Variants in SLC14A2 observed in about 807,000 individuals in gnomAD.
The protein encoded by SLC14A2 is urea transporter 2.
In SLC14A2, 91 loss-of-function variants were observed where a neutral mutation model predicts 104.6. That is an observed-to-expected ratio of 0.87 (90% CI 0.73 to 1.04). The LOEUF (loss-of-function observed/expected upper bound fraction) is 1.04. SLC14A2 is among the 50% of genes least tolerant of loss of function. The pLI is 0.00. For missense variants in SLC14A2, 1,189 were observed against 1,156.0 expected (o/e 1.03, Z -0.41); for synonymous variants, 476 against 466.4 (o/e 1.02, Z -0.27).
chr18:45,186,531 T>C, the SLC14A2 span, among the ~76,000 whole-genome samples: 91 of 152,342 alleles, frequency 6.0e-4, no homozygotes, highest in African/African-American at 2.1e-3. Context: ...CAGTTTTAAC[T>C]CATGCACATA....
Position 45,682,343 on chromosome 18 carries a change from C to G in SLC14A2, c.2587C>G (p.Pro863Ala). 6.2e-7 allele frequency: 1 copy of G among 1,614,128 alleles called. No individual in the cohort carries two copies. ...GTTTGGATTGCCGCCCTGCACTTGG[C>G]CCTTCTGTCTCTCAGCTCTCACCTT... is the stretch of plus-strand genomic sequence containing the variant. ...SVFGLPPCTW[P>A]FCLSALTFLL... is the part of the protein sequence containing the mutation. Residue 863 changes from proline (P) to alanine (A), a missense_variant, in exon 20 of 20, where the codon CCC (proline) becomes GCC (alanine). Coordinates refer to ENST00000255226, the MANE Select transcript of SLC14A2 (RefSeq NM_007163.4).
intron 1 of SLC14A2, among the ~76,000 whole-genome samples, chr18:45,397,133 C>T (rs1183978250): frequency 6.6e-6 from 1 of 152,122 alleles, no homozygotes; most frequent in Non-Finnish European, 1.5e-5. Flanking sequence ...CATTTATGTG[C>T]ATGTGACTTT....
chr18:45,357,767 T>C (rs922273570), intron 1 of SLC14A2, among the ~76,000 whole-genome samples: 1 of 152,098 alleles, frequency 6.6e-6, no homozygotes, highest in African/African-American at 2.4e-5. Flanking sequence ...ATTCAGGCAG[T>C]GGACTTGCAG....
At chr18:45,643,797 A>G (rs1372562960) in intron 9 of SLC14A2, among the ~76,000 whole-genome samples, 189 bp from the exon 10 acceptor site, 1 of 152,184 alleles carries the variant, frequency 6.6e-6, no homozygotes, top group African/African-American at 2.4e-5. Flanking sequence ...TATTACAGGC[A>G]TGAGCCACTG....
intron 1 of SLC14A2, among the ~76,000 whole-genome samples, chr18:45,264,606 C>A (rs1446179798): frequency 6.6e-6 from 1 of 152,084 alleles, no homozygotes; most frequent in Non-Finnish European, 1.5e-5. Flanking sequence ...AAAGGAGGAG[C>A]AAAATCATGT....
rs1490253990 is a variant in SLC14A2, at chr18:45,532,674, T to G, written c.-35+49352T>G. ...ACAATTTGACTTCCTCTTTTCCTAA[T>G]TGAATACCCTTTATTTCCTTCTCCT... On this transcript the variant is annotated intron_variant, in intron 2 of 20. Transcript: ENST00000586448. Among the ~76,000 whole-genome samples, 43 of 151,222 alleles carry G rather than the reference T, an allele frequency of 2.8e-4. 1 individual carries two copies. Among genetic ancestry groups the G allele is most frequent in the East Asian group, 1.9e-4 (1 of 5,154 alleles).
chr18:45,341,790 G>A (rs868434790), intron 1 of SLC14A2, among the ~76,000 whole-genome samples: 4 of 151,860 alleles, frequency 2.6e-5, no homozygotes, highest in Middle Eastern at 3.4e-3. Context: ...GTTTCACCAT[G>A]TTGGCCAGAC....
intron 7 of SLC14A2, 33 bp from the exon 8 acceptor site, chr18:45,641,176 A>G (rs1205150272): frequency 6.2e-7 from 1 of 1,609,368 alleles, no homozygotes; most frequent in African/African-American, 1.3e-5. Flanking sequence ...TGTGGCCCAG[A>G]ATCAGACAGA....
chr18:45,275,555 A>T (rs1423602605), intron 1 of SLC14A2, among the ~76,000 whole-genome samples: 1 of 152,200 alleles, frequency 6.6e-6, no homozygotes, highest in Non-Finnish European at 1.5e-5. Context: ...TCCTCTTTTT[A>T]AGTCGGGGAT....
Position 45,415,398 on chromosome 18 carries a change from A to G in SLC14A2, c.-124-67835A>G, listed in dbSNP as rs572716595. ...TGTGTGTATACCCTGGGACTTGATG[A>G]CATAATGAATTTCCCCATCAAAGCT... is the stretch of plus-strand genomic sequence containing the variant. On this transcript the variant is annotated intron_variant, in intron 1 of 20. Transcript: ENST00000586448. 3.3e-5 allele frequency among the ~76,000 whole-genome samples: 5 copies of G among 152,254 alleles called. No individual in the cohort carries two copies. The East Asian group carries it at 9.6e-4, about 29-fold the overall frequency.
intron 2 of SLC14A2, among the ~76,000 whole-genome samples, chr18:45,610,382 T>C (rs2044952618): frequency 6.6e-6 from 1 of 152,182 alleles, no homozygotes; most frequent in Non-Finnish European, 1.5e-5. Context: ...TACCATTACC[T>C]AGGGAGCTTT....
At chr18:45,298,991 G>A (rs2084942382) in intron 1 of SLC14A2, among the ~76,000 whole-genome samples, 2 of 151,998 alleles carry the variant, frequency 1.3e-5, no homozygotes, top group Admixed American at 1.3e-4. Flanking sequence ...AAAAAAAAAT[G>A]CAGAGTAACT....
At position 45,593,486 on chromosome 18, in the gene SLC14A2, C is replaced by CTTT. The variant is rs1172271684; in HGVS notation, c.-34-31126_-34-31124dup. 3.1e-3 allele frequency among the ~76,000 whole-genome samples: 271 copies of CTTT among 88,770 alleles called. 15 individuals are homozygous for CTTT. Among genetic ancestry groups the CTTT allele is most frequent in the Middle Eastern group, 0.012 (1 of 86 alleles). The allele number at this position is 88,770 out of a possible 152,430, so 58.2% of individuals were successfully genotyped here. A position where few individuals can be genotyped will look rare whatever the true frequency, so the allele number is the denominator to read the frequency against. On this transcript the variant is annotated intron_variant, in intron 2 of 20. Transcript: ENST00000586448. Reference sequence around the variant, plus strand: ...TATGATAACTAAGCATTTCCTTAATCTTTTTTTTTTTTTTTTTTTTTGAGA... The same window carrying CTTT: ...TATGATAACTAAGCATTTCCTTAATCTTTTTTTTTTTTTTTTTTTTTTTTGAGA...
At chr18:45,323,857 A>T (rs1284330428) in intron 1 of SLC14A2, among the ~76,000 whole-genome samples, 2 of 152,200 alleles carry the variant, frequency 1.3e-5, no homozygotes, top group Non-Finnish European at 2.9e-5. Flanking sequence ...GGGCATTTGC[A>T]CTAACAGACA....
intron 1 of SLC14A2, among the ~76,000 whole-genome samples, chr18:45,400,041 G>A (rs531830733): frequency 6.6e-6 from 1 of 152,156 alleles, no homozygotes; most frequent in Non-Finnish European, 1.5e-5. Flanking sequence ...AAGCATGGAA[G>A]TTTAGAGTAT....
chr18:45,666,602 T>TTAAAA (rs34642030), intron 12 of SLC14A2, among the ~76,000 whole-genome samples: 47 of 146,010 alleles, frequency 3.2e-4, no homozygotes, highest in Non-Finnish European at 5.8e-4. Flanking sequence ...GTATTAATGT[T>TTAAAA]AAAAAAAAAA....
At chr18:45,289,185 T>G (rs2084845194) in intron 1 of SLC14A2, among the ~76,000 whole-genome samples, 1 of 152,196 alleles carries the variant, frequency 6.6e-6, no homozygotes, top group African/African-American at 2.4e-5. Context: ...TATATCCATG[T>G]CTCTTTCATT....
intron 1 of SLC14A2, among the ~76,000 whole-genome samples, chr18:45,313,288 C>T (rs1444047157): frequency 2.0e-5 from 3 of 152,154 alleles, no homozygotes; most frequent in Non-Finnish European, 4.4e-5. Context: ...GCTGGCCTCC[C>T]TTCCTGCTCC....
intron 2 of SLC14A2, chr18:45,529,733 T>C (rs543845940): frequency 6.6e-6 from 1 of 152,276 alleles, no homozygotes; most frequent in East Asian, 1.9e-4. Context: ...TGGGGTCACA[T>C]GGTCACTTCA....
Sources: allele counts gnomAD v4.1 joint callset (sites outside exome capture counted in the v4.1 genomes callset), GRCh38; gene constraint gnomAD v4.1.1; transcripts MANE v1.5; gene names NCBI Gene and HGNC (gene_info 2026-07-23, HGNC 2026-07-21).